CNTN6: variants seen among roughly 807,000 people sequenced by gnomAD.
CNTN6 encodes the protein contactin-6.
Under a neutral mutation model 122.8 loss-of-function variants are expected in CNTN6, and 137 were observed. That is an observed-to-expected ratio of 1.12 (90% CI 0.97 to 1.29). CNTN6 has a LOEUF of 1.29. CNTN6 is among the 50% of genes most tolerant of loss of function. CNTN6 has a pLI of 0.00. For missense variants in CNTN6, 1,634 were observed against 1,223.4 expected, an observed-to-expected ratio of 1.34 and a Z score of -5.01; for synonymous variants, 570 against 426.0, an observed-to-expected ratio of 1.34 and a Z score of -4.16.
At chr3:1,220,842 A>G in intron 3 of CNTN6, 29 bp downstream of exon 3, 2 of 1,569,076 alleles carry the variant, frequency 1.3e-6, no homozygotes, top group Non-Finnish European at 1.7e-6. Context: ...GCACCACACT[A>G]TTTTGTTCTT....
chr3:1,161,755 T>C (rs2093137097), intron 2 of CNTN6, among the ~76,000 whole-genome samples: 1 of 146,920 alleles, frequency 6.8e-6, no homozygotes, highest in African/African-American at 2.6e-5. Context: ...TAGGAATATA[T>C]ATATATATAT....
intron 1 of CNTN6, among the ~76,000 whole-genome samples, chr3:1,109,696 A>G (rs562096022): frequency 5.3e-5 from 8 of 152,036 alleles, no homozygotes; most frequent in African/African-American, 1.9e-4. Flanking sequence ...TATATTTTTT[A>G]TTCTTCTATT....
intron 2 of CNTN6, among the ~76,000 whole-genome samples, chr3:1,204,087 G>A (rs568429010): frequency 3.9e-5 from 6 of 152,182 alleles, no homozygotes; most frequent in East Asian, 1.9e-4. Flanking sequence ...GACACATTTC[G>A]CAGAATGCAT....
At chr3:1,269,306 G>A (rs527452388) in intron 4 of CNTN6, among the ~76,000 whole-genome samples, 10 of 152,256 alleles carry the variant, frequency 6.6e-5, no homozygotes, top group Admixed American at 2.0e-4. Flanking sequence ...TGATCATTTT[G>A]TTCCATCACT....
intron 5 of CNTN6, among the ~76,000 whole-genome samples, chr3:1,293,317 A>G (rs1695648179): frequency 6.7e-6 from 1 of 148,552 alleles, no homozygotes; most frequent in African/African-American, 2.5e-5. Flanking sequence ...TTCATGCTTC[A>G]TGCATTTTTT....
chr3:1,367,420 C>A (rs1350741443), intron 12 of CNTN6, among the ~76,000 whole-genome samples: 4 of 152,012 alleles, frequency 2.6e-5, no homozygotes, highest in African/African-American at 4.8e-5. Context: ...CATGGACATA[C>A]AATCCAGTCA....
intron 11 of CNTN6, among the ~76,000 whole-genome samples, chr3:1,339,816 A>G (rs1406247004): frequency 6.6e-6 from 1 of 152,090 alleles, no homozygotes; most frequent in Non-Finnish European, 1.5e-5. Context: ...CCAAGAATTG[A>G]CTCTTTGACT....
intron 1 of CNTN6, among the ~76,000 whole-genome samples, chr3:1,120,224 A>G (rs1207112156): frequency 6.6e-6 from 1 of 151,924 alleles, no homozygotes; most frequent in Non-Finnish European, 1.5e-5. Flanking sequence ...CATTTGTCTT[A>G]CATTCTACTT....
Position 1,220,780 on chromosome 3 carries a change from G to A in CNTN6, c.149G>A (p.Cys50Tyr). 6.2e-7 allele frequency: 1 copy of A among 1,612,044 alleles called. No individual in the cohort carries two copies. Among genetic ancestry groups the A allele is most frequent in the Non-Finnish European group, 8.5e-7 (1 of 1,178,934 alleles). The change falls in exon 3 of 23, where the codon TGT becomes TAT. Residue 50 changes from cysteine (C) to tyrosine (Y), a missense_variant. Transcript: ENST00000446702. ...TCAAAATCTGAGGTCATCCTGAATT[G>A]TGCTGCTAATGGTTACCCTTCGCCT... ...DLSKSEVILN[C>Y]AANGYPSPHY...
intron 7 of CNTN6, among the ~76,000 whole-genome samples, chr3:1,314,805 G>A (rs1699864744): frequency 6.6e-6 from 1 of 151,996 alleles, no homozygotes. Context: ...TCATCTAGTA[G>A]TATTTCACAA....
chr3:1,386,045 T>A (rs769403453), intron 20 of CNTN6, among the ~76,000 whole-genome samples: 20 of 152,228 alleles, frequency 1.3e-4, no homozygotes, highest in Non-Finnish European at 2.6e-4. Context: ...AAGAGCATAA[T>A]GTTTAAGACT....
intron 2 of CNTN6, among the ~76,000 whole-genome samples, chr3:1,205,283 T>C (rs549401464): frequency 6.6e-6 from 1 of 152,294 alleles, no homozygotes; most frequent in South Asian, 2.1e-4. Context: ...AATTCAAACC[T>C]ACAGAACTAT....
At position 1,295,795 on chromosome 3, in the gene CNTN6, C is replaced by T. The variant is rs137989555; in HGVS notation, c.649C>T (p.Arg217Cys). ...VQGPPTPLVQ[R>C]TDGVMGEYEP... is the part of the protein sequence containing the mutation. ...AGGTCCACCCACTCCATTAGTGCAGCGCACTGATGGTAAGATAATGAGTTA... is the reference window on the plus strand; with the variant it reads ...AGGTCCACCCACTCCATTAGTGCAGTGCACTGATGGTAAGATAATGAGTTA... Residue 217 changes from arginine (R) to cysteine (C), a missense_variant, in exon 6 of 23, where the codon CGC becomes TGC. Physicochemically the swap from Arg to Cys is radical, Grantham distance 180. Transcript: ENST00000446702. The T allele has an allele frequency of 6.0e-5, 96 of 1,610,756 alleles. No individual in the cohort carries two copies. The highest frequency in any genetic ancestry group is 5.6e-4 in the East Asian group (25 of 44,876).
intron 2 of CNTN6, among the ~76,000 whole-genome samples, chr3:1,171,043 G>A (rs1326611327): frequency 6.6e-6 from 1 of 152,184 alleles, no homozygotes; most frequent in East Asian, 1.9e-4. Flanking sequence ...AGTTGAACTA[G>A]CAGCAATGGC....
chr3:1,315,964 A>G (rs189108889), intron 7 of CNTN6, among the ~76,000 whole-genome samples: 34 of 152,010 alleles, frequency 2.2e-4, no homozygotes, highest in South Asian at 1.0e-3. Context: ...GCGTAGTCAT[A>G]TGGATCCCTT....
chr3:1,108,661 C>T (rs535839696), intron 1 of CNTN6, among the ~76,000 whole-genome samples: 21 of 152,010 alleles, frequency 1.4e-4, no homozygotes, highest in Non-Finnish European at 7.4e-5. Context: ...ATTTAAGGCT[C>T]TAAGGAGTCT....
intron 1 of CNTN6, among the ~76,000 whole-genome samples, chr3:1,146,135 C>T (rs183642385): frequency 9.9e-5 from 15 of 152,166 alleles, no homozygotes; most frequent in East Asian, 7.7e-4. Context: ...TCATTCTCCA[C>T]GGTAGCCAGA....
At chr3:1,284,624 A>C (rs1208858569) in intron 5 of CNTN6, among the ~76,000 whole-genome samples, 2 of 152,238 alleles carry the variant, frequency 1.3e-5, no homozygotes, top group Non-Finnish European at 2.9e-5. Flanking sequence ...CAAAGTTTTT[A>C]GCTCCATGAA....
At chr3:1,142,968 G>GTA (rs3043051) in intron 1 of CNTN6, among the ~76,000 whole-genome samples, 7,348 of 127,860 alleles carry the variant, frequency 0.057, 213 homozygotes, top group Non-Finnish European at 0.077. Context: ...GTGTGTGTGT[G>GTA]TATATATATA....
Sources: gnomAD v4.1 joint callset for allele counts (sites outside exome capture counted in the v4.1 genomes callset) on GRCh38, gnomAD v4.1.1 for gene constraint, MANE v1.5 for transcripts, NCBI Gene and HGNC (gene_info 2026-07-23, HGNC 2026-07-21) for gene names.